Variants in ATP2B1 observed in about 807,000 individuals in gnomAD.
ATP2B1 encodes the protein plasma membrane calcium-transporting ATPase 1.
ATP2B1 carries 14 observed loss-of-function variants against 124.2 expected under a neutral mutation model. The observed-to-expected ratio is 0.11, with a 90% CI of 0.07 to 0.18. ATP2B1 has a LOEUF of 0.18. Among genes scored for constraint, ATP2B1 ranks in the 10% least tolerant of loss-of-function variants. The pLI, the probability that ATP2B1 is intolerant of heterozygous loss-of-function variation, is 1.00. For synonymous variants in ATP2B1, 449 were observed against 492.4 expected (o/e 0.91, Z 1.17); for missense variants, 763 against 1,466.1 (o/e 0.52, Z 7.83).
chr12:89,697,209 C>T (rs973191516), intron 1 of ATP2B1, among the ~76,000 whole-genome samples: 5 of 152,000 alleles, frequency 3.3e-5, no homozygotes, highest in Non-Finnish European at 7.4e-5. Context: ...AGGCAGTGGG[C>T]TATATGTAAT....
At chr12:89,674,641 GCTC>G (rs1366125680) in intron 1 of ATP2B1, among the ~76,000 whole-genome samples, 4 of 152,186 alleles carry the variant, frequency 2.6e-5, no homozygotes, top group African/African-American at 9.6e-5. Context: ...GGTTTACTGT[GCTC>G]CTATGAGACT....
chr12:89,685,590 T>C (rs1419609460), intron 1 of ATP2B1, among the ~76,000 whole-genome samples: 1 of 152,056 alleles, frequency 6.6e-6, no homozygotes, highest in African/African-American at 2.4e-5. Context: ...TCAGAAACTC[T>C]GGGGGTGTGG....
In ATP2B1 at chr12:89,642,332, A is replaced by T; in HGVS notation, c.232T>A (p.Leu78Ile). The change falls in exon 3 of 21, where the codon TTA becomes ATA. Residue 78 changes from leucine (L) to isoleucine (I), a missense_variant. Physicochemically the swap from Leu to Ile is conservative, Grantham distance 5. This residue lies in a region of ATP2B1 where 93 missense variants were observed against 112.7 expected (regional missense o/e 0.83). Transcript: ENST00000428670. Reference sequence around the variant, plus strand: ...CCAAACACTGCTTCTCTTCTTTCTAAATCTGCAGGGTTTCCACTTAAACCT... The same window carrying T: ...CCAAACACTGCTTCTCTTCTTTCTATATCTGCAGGGTTTCCACTTAAACCT... The part of the protein sequence containing the change: ...NEGLSGNPAD[L>I]ERREAVFGKN... 6.2e-7 allele frequency: 1 copy of T among 1,613,324 alleles called. No homozygotes were observed. The highest frequency in any genetic ancestry group is 8.5e-7 in the Non-Finnish European group (1 of 1,179,830).
chr12:89,632,499 A>T (rs1882028795), intron 5 of ATP2B1, among the ~76,000 whole-genome samples: 1 of 152,184 alleles, frequency 6.6e-6, no homozygotes, highest in Admixed American at 6.5e-5. Context: ...TCTTTTAACA[A>T]TTCTGGTTTT....
In ATP2B1 at chr12:89,619,941, G is replaced by A. The variant is rs1418433945; in HGVS notation, c.1829+58C>T. 8.8e-6 allele frequency: 14 copies of A among 1,588,500 alleles called. No homozygotes were observed. In the East Asian group the frequency reaches 3.1e-4, roughly 36 times the overall value. ...AGACAACAACAATAACAACACAGTA[G>A]ATACTCCATAAAGCAACTATAGTCA... On this transcript the variant is annotated intron_variant, in intron 11 of 20. Transcript: ENST00000428670.
At chr12:89,644,607 A>C (rs1884155892) in intron 2 of ATP2B1, among the ~76,000 whole-genome samples, 1 of 152,182 alleles carries the variant, frequency 6.6e-6, no homozygotes, top group Non-Finnish European at 1.5e-5. Flanking sequence ...AGACAGAGTC[A>C]ATAGAAAGCA....
intron 12 of ATP2B1, 180 bp from the exon 13 acceptor site, chr12:89,611,552 C>T: frequency 2.0e-6 from 1 of 500,302 alleles, no homozygotes; most frequent in Non-Finnish European, 3.2e-6. Flanking sequence ...TTTCAATAAT[C>T]TCTTTCCAAT....
intron 1 of ATP2B1, among the ~76,000 whole-genome samples, chr12:89,708,363 C>T (rs1301909618): frequency 1.3e-5 from 2 of 152,154 alleles, no homozygotes; most frequent in Non-Finnish European, 2.9e-5. Context: ...ACTGACCCGG[C>T]GCTGAGGTGC....
chr12:89,625,477 C>T (rs1407105234), intron 8 of ATP2B1, among the ~76,000 whole-genome samples: 2 of 148,146 alleles, frequency 1.4e-5, no homozygotes, highest in Non-Finnish European at 3.0e-5. Flanking sequence ...CCAGCTACTT[C>T]GGGGGTGGAG....
Position 89,656,110 on chromosome 12 carries a change from G to A in ATP2B1, c.-221-3C>T, listed in dbSNP as rs1885921877. The A allele has an allele frequency of 4.5e-6, 2 of 441,054 alleles. No homozygotes were observed. Among genetic ancestry groups the A allele is most frequent in the Non-Finnish European group, 8.0e-6 (2 of 250,004 alleles). The allele number at this position is 441,054 out of a possible 1,614,324, so 27.3% of individuals were successfully genotyped here. A position where few individuals can be genotyped will look rare whatever the true frequency, so the allele number is the denominator to read the frequency against. On this transcript the variant is annotated splice_polypyrimidine_tract_variant and splice_region_variant and intron_variant, in intron 1 of 20. Transcript: ENST00000428670. ...TATCAATCATGAGATATACACATCT[G>A]TAAGAAGAAAATATTTAAAAGTTAA...
At position 89,599,150 on chromosome 12, in the gene ATP2B1, C is replaced by T. The variant is rs1380737510; in HGVS notation, c.3318G>A (p.Leu1106=). 2 of 1,614,134 alleles carry T rather than the reference C, an allele frequency of 1.2e-6. No homozygotes were observed. The highest frequency in any genetic ancestry group is 2.2e-5 in the South Asian group (2 of 91,088). Residue 1106 remains leucine (L), a synonymous_variant, in exon 20 of 21, where the codon TTG becomes TTA. Coordinates refer to ENST00000428670, the MANE Select transcript of ATP2B1 (RefSeq NM_001366521.1). ...AERELRRGQI[L]WFRGLNRIQT... ...GGATTCTGTTCAGACCTCTAAACCA[C>T]AAGATTTGGCCACGCCGCAACTCCC...
rs1389214595 is a variant in ATP2B1, at chr12:89,589,925, A to C, written c.*1059T>G. On this transcript the variant is annotated 3_prime_UTR_variant, in exon 21 of 21. Transcript: ENST00000428670. ...ATGCCAACAGCCCTCATGCTGTGTG[A>C]AGGTCTCTAAAGATTAGAAAAATCA... 6.6e-6 allele frequency: 1 copy of C among 152,556 alleles called. No individual in the cohort carries two copies. 9.5% of individuals were successfully genotyped at this position (152,556 alleles called of 1,614,324 possible). A position where few individuals can be genotyped will look rare whatever the true frequency, so the allele number is the denominator to read the frequency against.
chr12:89,653,271 T>C (rs540443918), intron 2 of ATP2B1, among the ~76,000 whole-genome samples: 6 of 144,912 alleles, frequency 4.1e-5, no homozygotes, highest in Non-Finnish European at 6.0e-5. Context: ...ACAATTCACA[T>C]AGAATTTTTT....
At chr12:89,655,283 G>A (rs764461368) in intron 2 of ATP2B1, among the ~76,000 whole-genome samples, 10 of 152,108 alleles carry the variant, frequency 6.6e-5, no homozygotes, top group Non-Finnish European at 1.2e-4. Flanking sequence ...ATCAACTACT[G>A]AGAGTGACAA....
intron 1 of ATP2B1, among the ~76,000 whole-genome samples, chr12:89,669,968 G>A (rs540406434): frequency 4.6e-5 from 7 of 152,250 alleles, no homozygotes; most frequent in Non-Finnish European, 7.4e-5. Flanking sequence ...AACCAGAATG[G>A]TCAACTTTAA....
At chr12:89,606,870 C>T (rs1431019445) in intron 15 of ATP2B1, among the ~76,000 whole-genome samples, 3 of 152,126 alleles carry the variant, frequency 2.0e-5, no homozygotes, top group Admixed American at 2.0e-4. Flanking sequence ...GCCACCATGC[C>T]TGGCCAATGT....
chr12:89,622,284 G>C (rs1171241540), intron 9 of ATP2B1, among the ~76,000 whole-genome samples: 1 of 111,978 alleles, frequency 8.9e-6, no homozygotes, highest in Non-Finnish European at 1.8e-5. Flanking sequence ...GAGCTTGTGG[G>C]TATGTAGTTG....
chr12:89,607,222 CT>C (rs1472517498), intron 15 of ATP2B1, among the ~76,000 whole-genome samples: 1 of 152,160 alleles, frequency 6.6e-6, no homozygotes, highest in Non-Finnish European at 1.5e-5. Flanking sequence ...CATTCAAGGC[CT>C]TTTTAATGTG....
rs762977872 is a variant in ATP2B1, at chr12:89,591,203, A to G, written c.3444T>C (p.Pro1148=). 1 of 1,613,282 alleles carries G rather than the reference A, an allele frequency of 6.2e-7. No individual in the cohort carries two copies. Among genetic ancestry groups the G allele is most frequent in the Non-Finnish European group, 8.5e-7 (1 of 1,179,402 alleles). ...GCTCTGAATCTTCTATCCTAAACTC[A>G]GGATGTGTCATAAAGTTGTGAATCG... ...RSSIHNFMTH[P]EFRIEDSEPH... The change falls in exon 21 of 21, where the codon CCT becomes CCC. Residue 1148 remains proline (P), a synonymous_variant. Coordinates refer to ENST00000428670, the MANE Select transcript of ATP2B1 (RefSeq NM_001366521.1).
Sources: gnomAD v4.1 joint callset for allele counts (sites outside exome capture counted in the v4.1 genomes callset) on GRCh38, gnomAD v4.1.1 for gene constraint, gnomAD v4.1.1 regional missense constraint, MANE v1.5 for transcripts, NCBI Gene and HGNC (gene_info 2026-07-23, HGNC 2026-07-21) for gene names.